NXT2: variants seen among roughly 807,000 people sequenced by gnomAD.
The protein encoded by NXT2 is NTF2-related export protein 2.
Under a neutral mutation model 9.6 loss-of-function variants are expected in NXT2, and 1 was observed. That is an observed-to-expected ratio of 0.10 (90% confidence interval 0.04 to 0.49). The LOEUF (loss-of-function observed/expected upper bound fraction) is 0.49. NXT2 is among the 20% of genes least tolerant of loss of function. The pLI is 0.95. For missense variants in NXT2, 48 were observed against 100.3 expected (o/e 0.48, Z 2.23); for synonymous variants, 22 against 35.4 (o/e 0.62, Z 1.34).
At chrX:109,538,000 G>T (rs1933323927) in intron 1 of NXT2, 45 bp from the exon 2 acceptor site, 2 of 805,022 alleles carry the variant, frequency 2.5e-6, no homozygotes, top group Admixed American at 4.6e-5. Flanking sequence ...GTTTGTGAGG[G>T]GTTGAAAAGG....
At chrX:109,540,085 G>C (rs1481204643) in intron 2 of NXT2, among the ~76,000 whole-genome samples, 1 of 111,295 alleles carries the variant, frequency 9.0e-6, no homozygotes, top group Non-Finnish European at 1.9e-5. Context: ...TATTAAATAG[G>C]GAATCCTTTC....
Position 109,543,861 on chromosome X carries a change from T to C in NXT2, c.*1173T>C, listed in dbSNP as rs1284149858. 1 of 112,065 alleles carries C rather than the reference T, an allele frequency of 8.9e-6. No homozygotes were observed. Among genetic ancestry groups the C allele is most frequent in the Non-Finnish European group, 1.9e-5 (1 of 53,066 alleles). 9.2% of individuals were successfully genotyped at this position (112,065 alleles called of 1,213,427 possible). On this transcript the variant is annotated 3_prime_UTR_variant, in exon 4 of 4. Transcript: ENST00000372106. ...TATCACACATCCCCCAAATAAGTGA[T>C]TTTTTCCCAGTGCTTTGTACTGTCA... is the stretch of plus-strand genomic sequence containing the variant.
intron 1 of NXT2, 37 bp from the exon 2 acceptor site, chrX:109,538,008 A>T: frequency 2.2e-6 from 2 of 921,745 alleles, no homozygotes; most frequent in South Asian, 2.0e-5. Flanking sequence ...GGGGTTGAAA[A>T]GGTTGGTAAT....
At chrX:109,538,552 G>T (rs895528196) in intron 2 of NXT2, among the ~76,000 whole-genome samples, 2 of 110,787 alleles carry the variant, frequency 1.8e-5, no homozygotes, top group Non-Finnish European at 3.8e-5. Context: ...TTCCTGATTC[G>T]CCCCTTTTAT....
chrX:109,538,955 G>C (rs1219950606), intron 2 of NXT2, among the ~76,000 whole-genome samples: 1 of 111,172 alleles, frequency 9.0e-6, no homozygotes, highest in African/African-American at 3.3e-5. Flanking sequence ...CACGTGCCAA[G>C]GTGGTTTGCT....
rs183029443 is a variant in NXT2 at position 109,544,541 on chromosome X, T to A, written c.*1853T>A. On this transcript the variant is annotated 3_prime_UTR_variant, in exon 4 of 4. Transcript: ENST00000372106. The stretch of plus-strand genomic sequence containing the variant: ...GAACGGTGTGCATTGTTCATGATTG[T>A]TGTGTTTTAAGACTTGTATATAAAC... 4 of 112,768 alleles carry A rather than the reference T, an allele frequency of 3.5e-5. No homozygotes were observed. In the East Asian group the frequency reaches 8.3e-4, roughly 23 times the overall value. 9.3% of individuals were successfully genotyped at this position (112,768 alleles called of 1,213,427 possible).
intron 1 of NXT2, 21 bp from the exon 2 acceptor site, chrX:109,538,024 C>T (rs1933324316): frequency 2.7e-6 from 3 of 1,096,595 alleles, no homozygotes; most frequent in African/African-American, 3.6e-5. Context: ...GTAATCTATA[C>T]TTCTGGAATT....
At chrX:109,537,149 C>G in intron 1 of NXT2, 128 bp downstream of exon 1, 1 of 1,073,442 alleles carries the variant, frequency 9.3e-7, no homozygotes, top group East Asian at 3.6e-5. Context: ...CTCTGCACTG[C>G]GGGGCGGGGC....
chrX:109,540,267 A>C (rs1175809166), intron 2 of NXT2, among the ~76,000 whole-genome samples: 2 of 111,824 alleles, frequency 1.8e-5, no homozygotes, highest in Non-Finnish European at 3.8e-5. Flanking sequence ...AAGTAGAAAA[A>C]AAAAGACAAC....
intron 2 of NXT2, 63 bp downstream of exon 2, chrX:109,538,194 G>A: frequency 1.4e-6 from 1 of 730,796 alleles, no homozygotes; most frequent in Non-Finnish European, 2.1e-6. Context: ...ACCAGGTTGT[G>A]TCTGGAGCCA....
chrX:109,542,637 G>A lies in NXT2; in HGVS notation c.378G>A (p.Val126=), dbSNP rs371693098. 6.7e-6 allele frequency: 8 copies of A among 1,201,463 alleles called. No homozygotes were observed. In the African/African-American group the frequency reaches 1.4e-4, roughly 21 times the overall value. Residue 126 remains valine, a synonymous_variant, in exon 4 of 4, where the codon GTG becomes GTA. Coordinates refer to ENST00000372106, the MANE Select transcript of NXT2 (RefSeq NM_001242617.2). ...CTCAGTCCACTCCCAACAATACTGT[G>A]TGGAAGATTGCAAGTGATTGCTTCC... The part of the protein sequence containing the change: ...LTAQSTPNNT[V]WKIASDCFRF...
At chrX:109,542,128 A>G (rs1232066572) in intron 3 of NXT2, among the ~76,000 whole-genome samples, 1 of 111,323 alleles carries the variant, frequency 9.0e-6, no homozygotes, top group Admixed American at 9.7e-5. Context: ...GTTCAGGGTG[A>G]TTTTTTTCCT....
intron 2 of NXT2, among the ~76,000 whole-genome samples, chrX:109,539,555 T>C (rs940832297): frequency 8.2e-5 from 9 of 109,107 alleles, no homozygotes; most frequent in Non-Finnish European, 1.7e-4. Flanking sequence ...GACTTTTTAA[T>C]GATTGCCATT....
chrX:109,539,459 A>G (rs1345553032), intron 2 of NXT2, among the ~76,000 whole-genome samples: 2 of 110,227 alleles, frequency 1.8e-5, no homozygotes, highest in Admixed American at 9.7e-5. Flanking sequence ...ACTGTCTTCT[A>G]TAATGGTTGA....
intron 3 of NXT2, 38 bp from the exon 4 acceptor site, chrX:109,542,469 A>G: frequency 9.0e-7 from 1 of 1,115,519 alleles, no homozygotes; most frequent in Non-Finnish European, 1.2e-6. Context: ...TAGAGATAGA[A>G]AATGATGTGT....
chrX:109,538,376 CATTTT>C (rs1381540543), intron 2 of NXT2, among the ~76,000 whole-genome samples: 1 of 111,714 alleles, frequency 9.0e-6, no homozygotes, highest in Non-Finnish European at 1.9e-5. Context: ...CCCTTAACCT[CATTTT>C]ATTTTCAGGT....
chrX:109,537,983 G>C (rs1415343593), intron 1 of NXT2, 62 bp from the exon 2 acceptor site: 3 of 691,656 alleles, frequency 4.3e-6, no homozygotes, highest in Non-Finnish European at 7.0e-6. Context: ...TCTGTCAGTG[G>C]TTTTGTGTTT....
At chrX:109,541,660 C>T in intron 3 of NXT2, 41 bp downstream of exon 3, 1 of 1,061,956 alleles carries the variant, frequency 9.4e-7, no homozygotes, top group South Asian at 2.7e-5. Flanking sequence ...TTGTTTTCCT[C>T]TAGTAAGCAC....
chrX:109,537,061 C>G (rs199510422), intron 1 of NXT2, 40 bp downstream of exon 1: 47 of 1,187,959 alleles, frequency 4.0e-5, no homozygotes, highest in African/African-American at 5.3e-5. Flanking sequence ...GGGCGCCGGA[C>G]TCCAGTGGCT....
Sources: gnomAD v4.1 joint callset for allele counts (sites outside exome capture counted in the v4.1 genomes callset) on GRCh38, gnomAD v4.1.1 for gene constraint, MANE v1.5 for transcripts, NCBI Gene and HGNC (gene_info 2026-07-23, HGNC 2026-07-21) for gene names.